The following SORCS2 variants were observed in gnomAD, a reference collection of about 807,000 sequenced individuals.
The protein encoded by SORCS2 is VPS10 domain-containing receptor SorCS2.
A neutral mutation model predicts 141.6 loss-of-function variants in SORCS2; 100 were observed. That is an observed-to-expected ratio of 0.71 (90% confidence interval 0.60 to 0.83). The LOEUF (loss-of-function observed/expected upper bound fraction) is 0.83, where lower values mean the gene tolerates loss of function less well. Among genes scored for constraint, SORCS2 ranks in the 40% least tolerant of loss-of-function variants. The pLI is 0.00. For missense variants in SORCS2, 1,646 were observed against 1,560.2 expected, an observed-to-expected ratio of 1.05 and a Z score of -0.93; for synonymous variants, 789 against 676.9, an observed-to-expected ratio of 1.17 and a Z score of -2.57.
At chr4:7,258,165 A>T (rs768624149) in intron 1 of SORCS2, among the ~76,000 whole-genome samples, 2 of 152,150 alleles carry the variant, frequency 1.3e-5, no homozygotes, top group Non-Finnish European at 2.9e-5. Context: ...TTTTAAAATT[A>T]TACTTTAAGT....
intron 3 of SORCS2, among the ~76,000 whole-genome samples, chr4:7,599,829 T>C (rs189156186): frequency 4.6e-5 from 7 of 151,306 alleles, no homozygotes; most frequent in South Asian, 2.1e-4. Context: ...TTTTCTTTTT[T>C]TTTTTTTTTA....
At chr4:7,554,807 G>A (rs1713983357) in intron 3 of SORCS2, among the ~76,000 whole-genome samples, 1 of 152,162 alleles carries the variant, frequency 6.6e-6, no homozygotes, top group Non-Finnish European at 1.5e-5. Context: ...GCACAGGAAA[G>A]CAGGAAGGGG....
At chr4:7,680,205 G>A (rs535902078) in intron 9 of SORCS2, among the ~76,000 whole-genome samples, 3 of 152,332 alleles carry the variant, frequency 2.0e-5, no homozygotes, top group East Asian at 1.9e-4. Context: ...CGGCTTGTCC[G>A]AAGTCTAGCA....
At chr4:7,722,976 G>A (rs941104132) in intron 18 of SORCS2, among the ~76,000 whole-genome samples, 4 of 152,088 alleles carry the variant, frequency 2.6e-5, no homozygotes, top group Non-Finnish European at 5.9e-5. Flanking sequence ...AGGAAGGGAG[G>A]GAGGGAGAAT....
intron 2 of SORCS2, among the ~76,000 whole-genome samples, chr4:7,515,848 G>C (rs1732944116): frequency 6.6e-6 from 1 of 152,200 alleles, no homozygotes; most frequent in African/African-American, 2.4e-5. Context: ...TCAGGGCCAG[G>C]AGACCTCAGT....
intron 4 of SORCS2, among the ~76,000 whole-genome samples, chr4:7,645,790 C>T (rs545464692): frequency 4.6e-5 from 7 of 152,304 alleles, no homozygotes; most frequent in South Asian, 2.1e-4. Flanking sequence ...TGGCTTCTTA[C>T]CATAGCTGTG....
At chr4:7,572,863 T>G (rs1201348923) in intron 3 of SORCS2, among the ~76,000 whole-genome samples, 1 of 152,232 alleles carries the variant, frequency 6.6e-6, no homozygotes, top group Non-Finnish European at 1.5e-5. Flanking sequence ...GTTAAGAAAT[T>G]TTTATTTCCA....
At chr4:7,612,423 G>A (rs555931052) in intron 3 of SORCS2, among the ~76,000 whole-genome samples, 2 of 152,184 alleles carry the variant, frequency 1.3e-5, no homozygotes, top group Admixed American at 6.5e-5. Flanking sequence ...TTCTGGCCAC[G>A]ATGGGGGTCG....
At chr4:7,603,139 G>A (rs985444736) in intron 3 of SORCS2, among the ~76,000 whole-genome samples, 1 of 151,754 alleles carries the variant, frequency 6.6e-6, no homozygotes, top group Non-Finnish European at 1.5e-5. Context: ...GGCATCAGAG[G>A]GAGACCATGG....
At chr4:7,522,398 G>A (rs1340495480) in intron 2 of SORCS2, among the ~76,000 whole-genome samples, 2 of 152,226 alleles carry the variant, frequency 1.3e-5, no homozygotes, top group East Asian at 3.8e-4. Flanking sequence ...TGCCTTCCAT[G>A]TTTCTATTTG....
intron 1 of SORCS2, among the ~76,000 whole-genome samples, chr4:7,365,099 T>G (rs1721797550): frequency 6.6e-6 from 1 of 152,256 alleles, no homozygotes; most frequent in Non-Finnish European, 1.5e-5. Flanking sequence ...TTCTTAGCGT[T>G]AGCTATGATT....
intron 18 of SORCS2, among the ~76,000 whole-genome samples, chr4:7,722,886 G>A (rs192844417): frequency 6.6e-6 from 1 of 152,178 alleles, no homozygotes; most frequent in African/African-American, 2.4e-5. Flanking sequence ...TAATCACGCT[G>A]TTTCCTCCAT....
intron 1 of SORCS2, among the ~76,000 whole-genome samples, chr4:7,245,985 A>C (rs769957701): frequency 5.3e-5 from 8 of 152,076 alleles, no homozygotes; most frequent in Non-Finnish European, 1.0e-4. Context: ...TTGCCGTGAT[A>C]CTCCCGGGGT....
intron 13 of SORCS2, 138 bp from the exon 14 acceptor site, chr4:7,704,039 A>T: frequency 1.4e-6 from 1 of 705,098 alleles, no homozygotes; most frequent in Non-Finnish European, 2.6e-6. Context: ...ATGTGACATA[A>T]GCAGATGTGG....
intron 1 of SORCS2, among the ~76,000 whole-genome samples, chr4:7,374,170 T>TCTTTCTTC (rs1722474786): frequency 7.0e-6 from 1 of 142,202 alleles, no homozygotes; most frequent in Non-Finnish European, 1.5e-5. Context: ...TTTCTTTCTT[T>TCTTTCTTC]CTTTCTTTCT....
intron 20 of SORCS2, among the ~76,000 whole-genome samples, chr4:7,725,834 C>G (rs913276405): frequency 4.6e-5 from 7 of 152,346 alleles, no homozygotes; most frequent in Admixed American, 3.3e-4. Context: ...CCCAGCACCA[C>G]CAGGCAGGAA....
intron 3 of SORCS2, among the ~76,000 whole-genome samples, chr4:7,561,595 T>TCTAC: frequency 2.2e-5 from 3 of 134,762 alleles, no homozygotes; most frequent in African/African-American, 9.6e-5. Flanking sequence ...CATTCATCCA[T>TCTAC]CTATCCATCT....
chr4:7,240,357 C>T (rs1458011760), intron 1 of SORCS2, among the ~76,000 whole-genome samples: 1 of 152,206 alleles, frequency 6.6e-6, no homozygotes, highest in Non-Finnish European at 1.5e-5. Context: ...AGCAAATTAC[C>T]TCGATGAGTC....
chr4:7,330,151 G>C (rs1183819967), intron 1 of SORCS2, among the ~76,000 whole-genome samples: 1 of 151,510 alleles, frequency 6.6e-6, no homozygotes, highest in African/African-American at 2.4e-5. Context: ...CTGCTTGGTC[G>C]TCCAATCTCC....
Sources: allele counts gnomAD v4.1 joint callset (sites outside exome capture counted in the v4.1 genomes callset), GRCh38; gene constraint gnomAD v4.1.1; transcripts MANE v1.5; gene names NCBI Gene and HGNC (gene_info 2026-07-23, HGNC 2026-07-21).